The following BAZ1A variants were observed in gnomAD, a reference collection of about 807,000 sequenced individuals.
BAZ1A encodes the protein bromodomain adjacent to zinc finger domain 1A.
Under a neutral mutation model 185.2 loss-of-function variants are expected in BAZ1A, and 50 were observed. The observed-to-expected ratio is 0.27, with a 90% CI of 0.22 to 0.34. The LOEUF is 0.34. Among genes scored for constraint, BAZ1A ranks in the 10% least tolerant of loss-of-function variants. The probability of loss-of-function intolerance (pLI) is 1.00; values close to 1 mark genes in which losing one functional copy is unlikely to be tolerated. For missense variants in BAZ1A, 1,356 were observed against 1,839.9 expected (o/e 0.74, Z 4.81); for synonymous variants, 571 against 615.6 (o/e 0.93, Z 1.07).
chr14:34,803,907 GA>G (rs1881713574), intron 6 of BAZ1A, among the ~76,000 whole-genome samples: 1 of 152,176 alleles, frequency 6.6e-6, no homozygotes, highest in Non-Finnish European at 1.5e-5. Flanking sequence ...ATTCTTGCCA[GA>G]AATGGTGTGG....
chr14:34,863,585 C>T (rs903691843), intron 2 of BAZ1A, among the ~76,000 whole-genome samples: 6 of 151,880 alleles, frequency 4.0e-5, no homozygotes, highest in Admixed American at 2.0e-4. Context: ...GGATTACAGG[C>T]GTGAGCCACC....
chr14:34,825,078 A>C (rs2042146384), intron 4 of BAZ1A, among the ~76,000 whole-genome samples: 1 of 152,184 alleles, frequency 6.6e-6, no homozygotes, highest in African/African-American at 2.4e-5. Context: ...CAATTGTCTG[A>C]ATTTTAGGTG....
chr14:34,829,679 C>T (rs1039032496), intron 3 of BAZ1A, among the ~76,000 whole-genome samples: 1 of 152,090 alleles, frequency 6.6e-6, no homozygotes, highest in East Asian at 1.9e-4. Flanking sequence ...TCAACAAATC[C>T]AAAGTATTGT....
intron 3 of BAZ1A, among the ~76,000 whole-genome samples, chr14:34,840,764 A>AAAACAAAC (rs112881728): frequency 3.6e-4 from 54 of 149,098 alleles, no homozygotes; most frequent in African/African-American, 1.3e-3. Context: ...CTCCCCCCCA[A>AAAACAAAC]AAACAAACAA....
At chr14:34,832,355 A>G (rs2042262159) in intron 3 of BAZ1A, among the ~76,000 whole-genome samples, 1 of 151,250 alleles carries the variant, frequency 6.6e-6, no homozygotes, top group Non-Finnish European at 1.5e-5. Flanking sequence ...AAACTAAAGA[A>G]GAGGGAATGC....
At chr14:34,792,416 C>A (rs1339495473) in intron 12 of BAZ1A, among the ~76,000 whole-genome samples, 1 of 151,720 alleles carries the variant, frequency 6.6e-6, no homozygotes, top group Non-Finnish European at 1.5e-5. Context: ...AGTTGAGGGC[C>A]AAAAAATACC....
At chr14:34,830,520 GA>G (rs61415699) in intron 3 of BAZ1A, among the ~76,000 whole-genome samples, 40,850 of 149,908 alleles carry the variant, frequency 0.27, 5,971 homozygotes, top group Non-Finnish European at 0.36. Flanking sequence ...GGCGGCGGGG[GA>G]TGGCGGGGGC....
At chr14:34,792,341 C>T (rs1490584213) in intron 12 of BAZ1A, among the ~76,000 whole-genome samples, 7 of 151,646 alleles carry the variant, frequency 4.6e-5, no homozygotes, top group African/African-American at 9.7e-5. Flanking sequence ...GCCAAGATCA[C>T]GCCAACGCAC....
At position 34,771,572 on chromosome 14, in the gene BAZ1A, C is replaced by T. The variant is rs144568636; in HGVS notation, c.3240G>A (p.Leu1080=). ...GCTCTATTTGAAAGAGTGCCATTGC[C>T]AGATAATGAACCACACTGCTCACTG... ...PQSVSSVVHY[L]AMALFQIEQG... is the part of the protein sequence containing the mutation. The change falls in exon 21 of 27, where the codon CTG becomes CTA. Residue 1080 remains leucine, a synonymous_variant. Transcript: ENST00000360310. 1.8e-4 allele frequency: 296 copies of T among 1,613,934 alleles called. No individual in the cohort carries two copies. Among genetic ancestry groups the T allele is most frequent in the Non-Finnish European group, 2.4e-4 (283 of 1,180,006 alleles).
At chr14:34,810,481 C>T (rs570424742) in intron 5 of BAZ1A, among the ~76,000 whole-genome samples, 9 of 152,224 alleles carry the variant, frequency 5.9e-5, no homozygotes, top group East Asian at 3.8e-4. Flanking sequence ...ATACTACAAA[C>T]GTGACGTTTA....
chr14:34,811,164 G>A, intron 4 of BAZ1A, 128 bp from the exon 5 acceptor site: 2 of 619,828 alleles, frequency 3.2e-6, no homozygotes, highest in South Asian at 4.1e-5. Flanking sequence ...TTGTTTTTGA[G>A]ATGGAGTCTC....
intron 4 of BAZ1A, among the ~76,000 whole-genome samples, chr14:34,812,544 G>C (rs528852822): frequency 2.3e-4 from 35 of 152,296 alleles, no homozygotes; most frequent in African/African-American, 8.2e-4. Flanking sequence ...TGGGGCAAGA[G>C]TGTAAACAGG....
At chr14:34,769,010 T>C (rs538697122) in intron 21 of BAZ1A, among the ~76,000 whole-genome samples, 42 of 152,286 alleles carry the variant, frequency 2.8e-4, no homozygotes, top group Non-Finnish European at 5.0e-4. Context: ...AGAACGTAAG[T>C]AGAATTTTTA....
At chr14:34,818,612 T>C (rs1441291880) in intron 4 of BAZ1A, among the ~76,000 whole-genome samples, 4 of 152,088 alleles carry the variant, frequency 2.6e-5, no homozygotes, top group Non-Finnish European at 1.5e-5. Flanking sequence ...TTTGAAAACA[T>C]TAAAGAAAAA....
At position 34,758,202 on chromosome 14, in the gene BAZ1A, A is replaced by G. The variant is rs1156579186; in HGVS notation, c.4386+502T>C. ...AGTGGCTAAGTTGGAGGATCACTTGAGCTCAGGAGGTTGAGGCTGCAGCGA... is the reference window on the plus strand; with the variant it reads ...AGTGGCTAAGTTGGAGGATCACTTGGGCTCAGGAGGTTGAGGCTGCAGCGA... On this transcript the variant is annotated intron_variant, in intron 25 of 26. Transcript: ENST00000360310. 6.6e-5 allele frequency among the ~76,000 whole-genome samples: 10 copies of G among 151,340 alleles called. No homozygotes were observed. The East Asian group carries it at 2.0e-3, about 30-fold the overall frequency.
chr14:34,759,669 T>TTTTA (rs138644793), intron 24 of BAZ1A, among the ~76,000 whole-genome samples: 112,026 of 151,346 alleles, frequency 0.74, 42,180 homozygotes, highest in East Asian at 0.97. Context: ...CAGATCTTAA[T>TTTTA]TTTATTTATT....
intron 5 of BAZ1A, among the ~76,000 whole-genome samples, chr14:34,808,250 T>C (rs1433289703): frequency 2.0e-5 from 3 of 151,954 alleles, no homozygotes; most frequent in Non-Finnish European, 4.4e-5. Context: ...TCCCAGCACT[T>C]TGGGAGGCTG....
chr14:34,852,378 G>A (rs750182281), intron 3 of BAZ1A, among the ~76,000 whole-genome samples: 42 of 152,282 alleles, frequency 2.8e-4, no homozygotes, highest in South Asian at 6.2e-4. Context: ...CAGCACTTTG[G>A]AAGGCTAAGG....
chr14:34,780,286 A>G lies in BAZ1A; in HGVS notation c.2136T>C (p.Asp712=). The G allele has an allele frequency of 6.2e-7, 1 of 1,612,304 alleles. No homozygotes were observed. The highest frequency in any genetic ancestry group is 1.3e-5 in the African/African-American group (1 of 74,988). The change falls in exon 17 of 27, where the codon GAT becomes GAC. Residue 712 remains aspartate, a synonymous_variant. Transcript: ENST00000360310. The part of the protein sequence containing the change: ...SIGEEEREDF[D]TSIESKDTEQ... ...CTGTGTCTTTGCTCTCAATGCTAGT[A>G]TCAAAATCTTCCCTTTCTTCCTCCC...
Sources: gnomAD v4.1 joint callset for allele counts (sites outside exome capture counted in the v4.1 genomes callset) on GRCh38, gnomAD v4.1.1 for gene constraint, MANE v1.5 for transcripts, NCBI Gene and HGNC (gene_info 2026-07-23, HGNC 2026-07-21) for gene names.